Variants in SPDYE21 observed in about 807,000 individuals in gnomAD.
SPDYE21 encodes the protein speedy/RINGO cell cycle regulator family member E21.
Under a neutral mutation model 36.2 loss-of-function variants are expected in SPDYE21, and 14 were observed. The observed-to-expected ratio is 0.39, with a 90% CI of 0.26 to 0.61. The LOEUF (loss-of-function observed/expected upper bound fraction) is 0.61. Among genes scored for constraint, SPDYE21 ranks in the 20% least tolerant of loss-of-function variants. The probability of loss-of-function intolerance (pLI) is 0.55; values close to 1 mark genes in which losing one functional copy is unlikely to be tolerated. For missense variants in SPDYE21, 233 were observed against 424.6 expected (o/e 0.55, Z 3.97); for synonymous variants, 58 against 155.1 (o/e 0.37, Z 4.65).
intron 5 of SPDYE21, among the ~76,000 whole-genome samples, chr7:67,282,994 T>G (rs3962093): frequency 8.5e-6 from 1 of 117,402 alleles, no homozygotes; most frequent in Non-Finnish European, 1.8e-5. Context: ...TTAGTAGAAA[T>G]GGGGTTTTGC....
At chr7:67,281,107 A>T (rs1433442299) in intron 3 of SPDYE21, among the ~76,000 whole-genome samples, 1 of 141,944 alleles carries the variant, frequency 7.0e-6, no homozygotes, top group African/African-American at 2.6e-5. Context: ...AACAAAAAAA[A>T]AAAAAAAAAA....
chr7:67,288,081 G>C lies in SPDYE21; in HGVS notation c.*609G>C, dbSNP rs1245426747. On this transcript the variant is annotated 3_prime_UTR_variant, in exon 9 of 9. Coordinates refer to ENST00000424157, the MANE Select transcript of SPDYE21 (RefSeq NM_001382715.2). ...TGCTGTTCCTGTAGTTTTTTGATGAGAGTTATAGTTGTTATATATACATAA... is the reference window on the plus strand; with the variant it reads ...TGCTGTTCCTGTAGTTTTTTGATGACAGTTATAGTTGTTATATATACATAA... Among the ~76,000 whole-genome samples, 3 of 151,358 alleles carry C rather than the reference G, an allele frequency of 2.0e-5. No homozygotes were observed. The highest frequency in any genetic ancestry group is 6.6e-5 in the Admixed American group (1 of 15,184).
At position 67,288,860 on chromosome 7, in the gene SPDYE21, T is replaced by C. The variant is rs1802789138; in HGVS notation, c.*1388T>C. 6.6e-6 allele frequency among the ~76,000 whole-genome samples: 1 copy of C among 151,048 alleles called. No homozygotes were observed. Among genetic ancestry groups the C allele is most frequent in the African/African-American group, 2.4e-5 (1 of 41,022 alleles). On this transcript the variant is annotated 3_prime_UTR_variant, in exon 9 of 9. Transcript: ENST00000424157. ...AGAATTCAGATGTAATTTTTTACCTTGTTTTGGCATGTTTGTATATTACTT... is the reference window on the plus strand; with the variant it reads ...AGAATTCAGATGTAATTTTTTACCTCGTTTTGGCATGTTTGTATATTACTT...
chr7:67,283,357 G>C (rs1802674962), intron 5 of SPDYE21, among the ~76,000 whole-genome samples: 1 of 152,192 alleles, frequency 6.6e-6, no homozygotes, highest in Non-Finnish European at 1.5e-5. Context: ...TTCTCAAACT[G>C]TTGGGCTCAC....
intron 8 of SPDYE21, among the ~76,000 whole-genome samples, 97 bp downstream of exon 8, chr7:67,286,761 C>T (rs573668145): frequency 4.6e-5 from 7 of 152,006 alleles, no homozygotes; most frequent in South Asian, 2.1e-4. Context: ...GCCTGGGCAA[C>T]GTGGTGAGAT....
Position 67,287,697 on chromosome 7 carries a change from G to T in SPDYE21, c.*225G>T, listed in dbSNP as rs989074687. Among the ~76,000 whole-genome samples, 8 of 115,708 alleles carry T rather than the reference G, an allele frequency of 6.9e-5. No individual in the cohort carries two copies. The highest frequency in any genetic ancestry group is 2.7e-4 in the African/African-American group (8 of 30,176). The allele number at this position is 115,708 out of a possible 152,430, so 75.9% of individuals were successfully genotyped here. Reference sequence around the variant, plus strand: ...TCCTGGGAGCAGGGGTTGGGGGAGGGGGGTGGGGTCCTTCTAGGAGTCCTT... The same window carrying T: ...TCCTGGGAGCAGGGGTTGGGGGAGGTGGGTGGGGTCCTTCTAGGAGTCCTT... On this transcript the variant is annotated 3_prime_UTR_variant, in exon 9 of 9. Transcript: ENST00000424157.
rs1034246238 is a variant in SPDYE21, at chr7:67,288,917, G to C, written c.*1445G>C. Among the ~76,000 whole-genome samples the C allele has an allele frequency of 1.3e-5, 2 of 149,972 alleles. No individual in the cohort carries two copies. The highest frequency in any genetic ancestry group is 3.0e-5 in the Non-Finnish European group (2 of 67,620). Reference sequence around the variant, plus strand: ...GGATGTGTGTTCTAAAGGAGGACATGAGCTGTGTGTTTTCAAGAGAACAAT... The same window carrying C: ...GGATGTGTGTTCTAAAGGAGGACATCAGCTGTGTGTTTTCAAGAGAACAAT... On this transcript the variant is annotated 3_prime_UTR_variant, in exon 9 of 9. Transcript: ENST00000424157.
intron 1 of SPDYE21, among the ~76,000 whole-genome samples, 85 bp downstream of exon 1, chr7:67,277,147 C>T (rs1160900461): frequency 1.3e-5 from 2 of 152,026 alleles, no homozygotes; most frequent in Non-Finnish European, 2.9e-5. Flanking sequence ...CTGCAACCTG[C>T]GCACCATGAG....
rs202101475 is a variant in SPDYE21 at position 67,283,698 on chromosome 7, G to T, written c.670-215G>T. On this transcript the variant is annotated intron_variant, in intron 5 of 8. Transcript: ENST00000424157. Reference sequence around the variant, plus strand: ...ATCCCATCGGAGCCCACCATCCTGGGAGCATCACCCAAAACCCTTCCTCTG... The same window carrying T: ...ATCCCATCGGAGCCCACCATCCTGGTAGCATCACCCAAAACCCTTCCTCTG... Among the ~76,000 whole-genome samples the T allele has an allele frequency of 7.2e-5, 11 of 151,992 alleles. No homozygotes were observed. In the East Asian group the frequency reaches 2.1e-3, roughly 30 times the overall value.
rs187204163 is a variant in SPDYE21, at chr7:67,287,613, G to C, written c.*141G>C. On this transcript the variant is annotated 3_prime_UTR_variant, in exon 9 of 9. Coordinates refer to ENST00000424157, the MANE Select transcript of SPDYE21 (RefSeq NM_001382715.2). ...AAGGAGAAGAGGAACCATTTGTGCA[G>C]ATCATCTAGAAGAACCTGGACCATT... is the stretch of plus-strand genomic sequence containing the variant. Among the ~76,000 whole-genome samples, 1 of 146,934 alleles carries C rather than the reference G, an allele frequency of 6.8e-6. No homozygotes were observed. The highest frequency in any genetic ancestry group is 1.5e-5 in the Non-Finnish European group (1 of 67,398).
Position 67,286,441 on chromosome 7 carries a change from A to G in SPDYE21, c.1149+4A>G, listed in dbSNP as rs1341027399. On this transcript the variant is annotated splice_donor_region_variant and intron_variant, in intron 7 of 8. Coordinates refer to ENST00000424157, the MANE Select transcript of SPDYE21 (RefSeq NM_001382715.2). ...TTCCCCGGAGGAGTTGGAGGAGGTG[A>G]GTGGGGCCTGGGGAGGTGGAGGAGG... Among the ~76,000 whole-genome samples the G allele has an allele frequency of 1.4e-5, 2 of 147,552 alleles. No individual in the cohort carries two copies. The highest frequency in any genetic ancestry group is 5.0e-5 in the African/African-American group (2 of 39,782).
intron 5 of SPDYE21, among the ~76,000 whole-genome samples, chr7:67,283,431 G>A (rs1802676107): frequency 6.6e-6 from 1 of 152,058 alleles, no homozygotes; most frequent in African/African-American, 2.4e-5. Context: ...GCCACTCCCG[G>A]CTATTCTTGG....
At position 67,286,027 on chromosome 7, in the gene SPDYE21, C is replaced by G; in HGVS notation, c.756-17C>G. 1 of 1,612,568 alleles carries G rather than the reference C, an allele frequency of 6.2e-7. No individual in the cohort carries two copies. The highest frequency in any genetic ancestry group is 8.5e-7 in the Non-Finnish European group (1 of 1,179,948). ...CCTGGTGGTGCCCCTGAGCAGCAAC[C>G]TGATTTCTATCCTCAGCTACCTGGC... On this transcript the variant is annotated splice_polypyrimidine_tract_variant and intron_variant, in intron 6 of 8. Transcript: ENST00000424157.
chr7:67,282,548 C>G (rs1584748098), intron 4 of SPDYE21, 87 bp from the exon 5 acceptor site: 2 of 1,588,438 alleles, frequency 1.3e-6, no homozygotes, highest in East Asian at 4.5e-5. Flanking sequence ...TGAGACTTCC[C>G]CCCGGGAGGC....
At chr7:67,280,388 A>G (rs545128649) in intron 3 of SPDYE21, among the ~76,000 whole-genome samples, 292 of 152,236 alleles carry the variant, frequency 1.9e-3, no homozygotes, top group African/African-American at 6.3e-3. Flanking sequence ...CCTGGGTGAC[A>G]GAGCAAAACC....
chr7:67,283,681 G>A (rs1027791959), intron 5 of SPDYE21, among the ~76,000 whole-genome samples: 64 of 152,058 alleles, frequency 4.2e-4, no homozygotes, highest in South Asian at 8.3e-4. Flanking sequence ...AGATCCCATC[G>A]GAGCCCACCA....
At position 67,288,952 on chromosome 7, in the gene SPDYE21, C is replaced by T. The variant is rs995146998; in HGVS notation, c.*1480C>T. Among the ~76,000 whole-genome samples the T allele has an allele frequency of 5.5e-5, 8 of 145,416 alleles. No homozygotes were observed. The highest frequency in any genetic ancestry group is 1.1e-4 in the Non-Finnish European group (7 of 66,134). On this transcript the variant is annotated 3_prime_UTR_variant, in exon 9 of 9. Transcript: ENST00000424157. ...TTTTCAAGAGAACAATAGAGTGCGT[C>T]TCTTGGGGAAACATAATAAAAATGA...
In SPDYE21 at chr7:67,288,699, G is replaced by A. The variant is rs1163835375; in HGVS notation, c.*1227G>A. On this transcript the variant is annotated 3_prime_UTR_variant, in exon 9 of 9. Coordinates refer to ENST00000424157, the MANE Select transcript of SPDYE21 (RefSeq NM_001382715.2). ...TCAATCTTTGTATCTATTATTACAC[G>A]TGCTGCTGAAGGGAGCATGTTTTTA... Among the ~76,000 whole-genome samples, 14 of 142,236 alleles carry A rather than the reference G, an allele frequency of 9.8e-5. 2 individuals are homozygous for A. Among genetic ancestry groups the A allele is most frequent in the Non-Finnish European group, 1.7e-4 (11 of 64,084 alleles). The allele number at this position is 142,236 out of a possible 152,430, so 93.3% of individuals were successfully genotyped here. A position where few individuals can be genotyped will look rare whatever the true frequency, so the allele number is the denominator to read the frequency against.
intron 1 of SPDYE21, among the ~76,000 whole-genome samples, 127 bp from the exon 2 acceptor site, chr7:67,278,165 T>TATAAG (rs1563093980): frequency 1.2e-4 from 11 of 94,168 alleles, no homozygotes; most frequent in South Asian, 3.3e-4. Context: ...ATCTCACTCT[T>TATAAG]GTACATGATA....
Sources: gnomAD v4.1 joint callset for allele counts (sites outside exome capture counted in the v4.1 genomes callset) on GRCh38, gnomAD v4.1.1 for gene constraint, MANE v1.5 for transcripts, NCBI Gene and HGNC (gene_info 2026-07-23, HGNC 2026-07-21) for gene names.